The following DMD variants were observed in gnomAD, a reference collection of about 807,000 sequenced individuals.
DMD encodes the protein mutant dystrophin.
Under a neutral mutation model 330.1 loss-of-function variants are expected in DMD, and 63 were observed. The ratio of observed to expected loss-of-function variants is 0.19; its 90% CI spans 0.16 to 0.24. DMD has a LOEUF of 0.24. Among genes scored for constraint, DMD ranks in the 10% least tolerant of loss-of-function variants. The pLI is 1.00. For synonymous variants in DMD, 1,223 were observed against 959.8 expected (o/e 1.27, Z -5.07); for missense variants, 3,344 against 2,684.1 (o/e 1.25, Z -5.43).
At chrX:32,661,046 G>C (rs2060910387) in intron 9 of DMD, among the ~76,000 whole-genome samples, 1 of 111,240 alleles carries the variant, frequency 9.0e-6, no homozygotes, top group Non-Finnish European at 1.9e-5. Context: ...AAGATATCAA[G>C]TACCATATAT....
intron 2 of DMD, among the ~76,000 whole-genome samples, chrX:32,859,469 A>T (rs1363583665): frequency 9.7e-5 from 5 of 51,362 alleles, no homozygotes; most frequent in African/African-American, 2.7e-4. Flanking sequence ...TCTCACACAC[A>T]CACACACACA....
rs1473484402 is a variant in DMD, at chrX:32,340,007, T to A, written c.5922+2093A>T. On this transcript the variant is annotated intron_variant, in intron 41 of 78. Transcript: ENST00000357033. ...GACTATCACAAATGACTCTAGGGCG[T>A]AAGAATTGGGAAAGATAACTCTAAT... Among the ~76,000 whole-genome samples the A allele has an allele frequency of 2.7e-5, 3 of 111,938 alleles. No homozygotes were observed. In the East Asian group the frequency reaches 8.5e-4, roughly 32 times the overall value.
At chrX:32,581,856 T>C (rs1447573932) in intron 13 of DMD, among the ~76,000 whole-genome samples, 2 of 111,923 alleles carry the variant, frequency 1.8e-5, no homozygotes, top group South Asian at 3.7e-4. Flanking sequence ...ATACGTCTTA[T>C]CCAGGTTTAG....
chrX:32,402,093 A>T (rs1184782449), intron 30 of DMD, among the ~76,000 whole-genome samples: 1 of 111,927 alleles, frequency 8.9e-6, no homozygotes, highest in African/African-American at 3.2e-5. Context: ...TAAATGGAAT[A>T]GAATGTAAAC....
chrX:32,138,579 G>A (rs1461681030), intron 44 of DMD, among the ~76,000 whole-genome samples: 2 of 111,348 alleles, frequency 1.8e-5, no homozygotes, highest in Non-Finnish European at 3.8e-5. Flanking sequence ...ATGAACTCTT[G>A]TTTCTATCAT....
rs995169269 is a variant in DMD, at chrX:32,318,254, G to A, written c.5923-7978C>T. On this transcript the variant is annotated intron_variant, in intron 41 of 78. Coordinates refer to ENST00000357033, the MANE Select transcript of DMD (RefSeq NM_004006.3). Reference sequence around the variant, plus strand: ...TATTTCTCCTGGACAATTATAATAGGCATTGTAAGCATAAAAATGCAAATC... The same window carrying A: ...TATTTCTCCTGGACAATTATAATAGACATTGTAAGCATAAAAATGCAAATC... Among the ~76,000 whole-genome samples, 3 of 110,964 alleles carry A rather than the reference G, an allele frequency of 2.7e-5. No homozygotes were observed. In the South Asian group the frequency reaches 1.1e-3, roughly 41 times the overall value.
intron 1 of DMD, among the ~76,000 whole-genome samples, chrX:33,163,628 C>CTATCTATCTATCTATGTATCTATG (rs1557282398): frequency 5.8e-4 from 58 of 100,063 alleles, no homozygotes; most frequent in Middle Eastern, 5.3e-3. Flanking sequence ...CTCTATCTAT[C>CTATCTATCTATCTATGTATCTATG]TATCTATCTA....
intron 16 of DMD, among the ~76,000 whole-genome samples, chrX:32,555,394 C>T (rs2050186514): frequency 9.0e-6 from 1 of 111,721 alleles, no homozygotes; most frequent in Non-Finnish European, 1.9e-5. Flanking sequence ...ATAAGGATGC[C>T]ATCTCTCACC....
chrX:33,198,575 T>A (rs1366776668), intron 1 of DMD, among the ~76,000 whole-genome samples: 1 of 111,684 alleles, frequency 9.0e-6, no homozygotes, highest in Admixed American at 9.6e-5. Flanking sequence ...TAACATATTA[T>A]ATGTAAACAT....
chrX:32,230,038 G>A (rs2097163327), intron 43 of DMD, among the ~76,000 whole-genome samples: 1 of 109,440 alleles, frequency 9.1e-6, no homozygotes, highest in South Asian at 3.9e-4. Flanking sequence ...GTGTCATTAC[G>A]TCTAAACCAC....
chrX:32,848,568 C>T lies in DMD; in HGVS notation c.186+1160G>A, dbSNP rs145932589. Among the ~76,000 whole-genome samples the T allele has an allele frequency of 4.0e-4, 43 of 108,475 alleles. 1 individual carries two copies. In the East Asian group the frequency reaches 4.7e-3, roughly 12 times the overall value. The allele number at this position is 108,475 out of a possible 115,157, so 94.2% of individuals were successfully genotyped here. On this transcript the variant is annotated intron_variant, in intron 3 of 78. Transcript: ENST00000357033. Reference sequence around the variant, plus strand: ...TCAGACTTCTTGAAAAAAATGGATCCGTTTTAGTATTAATCTCACATAGCT... The same window carrying T: ...TCAGACTTCTTGAAAAAAATGGATCTGTTTTAGTATTAATCTCACATAGCT...
intron 7 of DMD, among the ~76,000 whole-genome samples, chrX:32,753,646 G>C (rs1167010551): frequency 8.9e-6 from 1 of 111,998 alleles, no homozygotes; most frequent in Non-Finnish European, 1.9e-5. Flanking sequence ...GACTCTTGAT[G>C]CTTTGTCAGA....
At chrX:32,035,442 G>A in intron 44 of DMD, 1 of 163,346 alleles carries the variant, frequency 6.1e-6, no homozygotes, top group South Asian at 1.0e-4. Flanking sequence ...TTGAGTACCT[G>A]CTGTGTGTTA....
intron 60 of DMD, among the ~76,000 whole-genome samples, chrX:31,360,127 A>G (rs2058861360): frequency 9.0e-6 from 1 of 111,076 alleles, no homozygotes; most frequent in Non-Finnish European, 1.9e-5. Context: ...TGAATAATAC[A>G]AGGCTAGAAA....
At chrX:32,274,885 C>T (rs1983266484) in intron 43 of DMD, among the ~76,000 whole-genome samples, 1 of 111,856 alleles carries the variant, frequency 8.9e-6, no homozygotes, top group Non-Finnish European at 1.9e-5. Flanking sequence ...TACCTCATGA[C>T]ACCAACTATA....
chrX:32,137,824 C>G (rs1381422910), intron 44 of DMD, among the ~76,000 whole-genome samples: 1 of 110,230 alleles, frequency 9.1e-6, no homozygotes, highest in Non-Finnish European at 1.9e-5. Flanking sequence ...GACTTACAAC[C>G]CTGTTTGCTG....
At chrX:31,126,992 C>G (rs1257349942) in intron 77 of DMD, among the ~76,000 whole-genome samples, 1 of 111,166 alleles carries the variant, frequency 9.0e-6, no homozygotes, top group Non-Finnish European at 1.9e-5. Context: ...ACAAATTGGG[C>G]ATTGTTTTCA....
rs1011274518 is a variant in DMD, at chrX:32,634,628, T to A, written c.1331+9504A>T. ...CTGGCCCAGGGTGTGTTCAGAAATG[T>A]TATCTGTGAGCTAGGGCCTGGAATG... is the stretch of plus-strand genomic sequence containing the variant. On this transcript the variant is annotated intron_variant, in intron 11 of 78. Transcript: ENST00000357033. Among the ~76,000 whole-genome samples the A allele has an allele frequency of 2.7e-5, 3 of 111,896 alleles. No individual in the cohort carries two copies. The Admixed American group carries it at 2.8e-4, about 11-fold the overall frequency.
At chrX:32,829,557 C>A (rs1397921565) in intron 4 of DMD, among the ~76,000 whole-genome samples, 1 of 111,549 alleles carries the variant, frequency 9.0e-6, no homozygotes, top group African/African-American at 3.2e-5. Flanking sequence ...TTCAAGAGCT[C>A]ACTTTTGAAT....
Sources: allele counts gnomAD v4.1 joint callset (sites outside exome capture counted in the v4.1 genomes callset), GRCh38; gene constraint gnomAD v4.1.1; transcripts MANE v1.5; gene names NCBI Gene and HGNC (gene_info 2026-07-23, HGNC 2026-07-21).